DCTN5: variants seen among roughly 807,000 people sequenced by gnomAD.
DCTN5 encodes dynactin subunit 5, also known as dynactin 4.
DCTN5 carries 14 observed loss-of-function variants against 23.5 expected under a neutral mutation model. That is an observed-to-expected ratio of 0.60 (90% confidence interval 0.39 to 0.93). The LOEUF (loss-of-function observed/expected upper bound fraction) is 0.93, where lower values mean the gene tolerates loss of function less well. Ranked by LOEUF, DCTN5 falls within the 40% of genes least tolerant of loss-of-function variation. The pLI is 0.00. For synonymous variants in DCTN5, 67 were observed against 79.6 expected (o/e 0.84, Z 0.84); for missense variants, 156 against 225.9 (o/e 0.69, Z 1.98).
Position 23,641,496 on chromosome 16 carries a change from C to G in DCTN5, c.-47C>G, listed in dbSNP as rs763284273. ...TAGCCGGAATCTCTGAAAGACTGAC[C>G]GACTGACTCTGACAGGATCCGGGGC... is the stretch of plus-strand genomic sequence containing the variant. On this transcript the variant is annotated 5_prime_UTR_variant, in exon 1 of 6. Transcript: ENST00000300087. The G allele has an allele frequency of 1.2e-6, 2 of 1,611,940 alleles. No individual in the cohort carries two copies. The highest frequency in any genetic ancestry group is 1.7e-6 in the Non-Finnish European group (2 of 1,178,454).
chr16:23,645,135 A>ATG (rs1967424901), intron 2 of DCTN5, among the ~76,000 whole-genome samples: 4 of 24,806 alleles, frequency 1.6e-4, no homozygotes, highest in Non-Finnish European at 2.7e-4. Flanking sequence ...ATATATATAT[A>ATG]TATTTTTTTT....
At position 23,671,371 on chromosome 16, in the gene DCTN5, C is replaced by G. The variant is rs1184881994; in HGVS notation, c.*4227C>G. 2.6e-5 allele frequency: 4 copies of G among 152,124 alleles called. No individual in the cohort carries two copies. The highest frequency in any genetic ancestry group is 5.9e-5 in the Non-Finnish European group (4 of 68,024). 9.4% of individuals were successfully genotyped at this position (152,124 alleles called of 1,614,324 possible). A position where few individuals can be genotyped will look rare whatever the true frequency, so the allele number is the denominator to read the frequency against. ...CCCTTAGAGTATAAGGCATAGCATTCTTACATATTTTTAAAATTTAAAATA... is the reference window on the plus strand; with the variant it reads ...CCCTTAGAGTATAAGGCATAGCATTGTTACATATTTTTAAAATTTAAAATA... On this transcript the variant is annotated 3_prime_UTR_variant, in exon 6 of 6. Coordinates refer to ENST00000300087, the MANE Select transcript of DCTN5 (RefSeq NM_032486.4).
At chr16:23,641,741 C>T (rs1301224857) in intron 1 of DCTN5, 151 bp downstream of exon 1, 4 of 829,352 alleles carry the variant, frequency 4.8e-6, no homozygotes, top group Non-Finnish European at 7.8e-6. Flanking sequence ...TACCGTCTGG[C>T]TTTGCTGTTT....
At chr16:23,650,290 C>A (rs1967572113) in intron 2 of DCTN5, among the ~76,000 whole-genome samples, 1 of 151,982 alleles carries the variant, frequency 6.6e-6, no homozygotes, top group African/African-American at 2.4e-5. Context: ...AGGTACTCAG[C>A]TTTTATTTCT....
Position 23,675,767 on chromosome 16 carries a change from A to ACTC in DCTN5, c.*8625_*8626insCCT, listed in dbSNP as rs1387054727. ...TGTGCTGTGAGTGCTTTGAGTTCAG[A>ACTC]CTGACAACAGAGTGGGTCTAGCTTC... On this transcript the variant is annotated 3_prime_UTR_variant, in exon 6 of 6. Transcript: ENST00000300087. The ACTC allele has an allele frequency of 6.6e-6, 1 of 152,196 alleles. No homozygotes were observed. The highest frequency in any genetic ancestry group is 1.9e-4 in the East Asian group (1 of 5,196). 9.4% of individuals were successfully genotyped at this position (152,196 alleles called of 1,614,324 possible).
chr16:23,676,726 T>G lies in DCTN5; in HGVS notation c.*9582T>G, dbSNP rs1959229408. The G allele has an allele frequency of 6.6e-6, 1 of 152,186 alleles. No homozygotes were observed. The highest frequency in any genetic ancestry group is 2.4e-5 in the African/African-American group (1 of 41,434). 9.4% of individuals were successfully genotyped at this position (152,186 alleles called of 1,614,324 possible). ...CTTTTGCATGTGGTCCTACTAATAA[T>G]AATTTTGCTGTAAAGAAGCCTCAAT... On this transcript the variant is annotated 3_prime_UTR_variant, in exon 6 of 6. Coordinates refer to ENST00000300087, the MANE Select transcript of DCTN5 (RefSeq NM_032486.4).
intron 2 of DCTN5, among the ~76,000 whole-genome samples, chr16:23,645,168 CTT>C (rs997087857): frequency 1.1e-5 from 1 of 93,824 alleles, no homozygotes; most frequent in African/African-American, 4.0e-5. Flanking sequence ...CAGTTTTGCT[CTT>C]GTTGCCCAGG....
rs1968070824 is a variant in DCTN5 at position 23,675,401 on chromosome 16, G to A, written c.*8257G>A. 6.6e-6 allele frequency: 1 copy of A among 151,962 alleles called. No homozygotes were observed. The highest frequency in any genetic ancestry group is 2.1e-4 in the South Asian group (1 of 4,816). 9.4% of individuals were successfully genotyped at this position (151,962 alleles called of 1,614,324 possible). On this transcript the variant is annotated 3_prime_UTR_variant, in exon 6 of 6. Coordinates refer to ENST00000300087, the MANE Select transcript of DCTN5 (RefSeq NM_032486.4). The stretch of plus-strand genomic sequence containing the variant: ...TTTGGTTCCAGCTACTTAGGAGGCT[G>A]AGGTAGGAGGATGGCTTGAGCCCAG...
chr16:23,651,413 A>G (rs1967602690), intron 2 of DCTN5, among the ~76,000 whole-genome samples: 1 of 152,274 alleles, frequency 6.6e-6, no homozygotes, highest in South Asian at 2.1e-4. Context: ...CACCTGTGAT[A>G]CAATTTACTT....
Position 23,667,232 on chromosome 16 carries a change from G to C in DCTN5, c.*88G>C. ...CAGTCAGCACCTACAAAGAGCTTTT[G>C]TGTCTTTGACATCTACCACCCTCCT... On this transcript the variant is annotated 3_prime_UTR_variant, in exon 6 of 6. Transcript: ENST00000300087. 7 of 1,547,074 alleles carry C rather than the reference G, an allele frequency of 4.5e-6. No homozygotes were observed. Among genetic ancestry groups the C allele is most frequent in the Non-Finnish European group, 6.2e-6 (7 of 1,132,290 alleles).
At chr16:23,659,276 G>A (rs34514) in intron 3 of DCTN5, among the ~76,000 whole-genome samples, 31,499 of 152,066 alleles carry the variant, frequency 0.21, 3,452 homozygotes, top group East Asian at 0.43. Context: ...CCTTCAGTGG[G>A]AATAAAGACT....
At chr16:23,663,292 G>A (rs567926201) in intron 4 of DCTN5, among the ~76,000 whole-genome samples, 2 of 152,264 alleles carry the variant, frequency 1.3e-5, no homozygotes, top group Non-Finnish European at 2.9e-5. Context: ...TTTCCATCCT[G>A]TTTCATAGAT....
chr16:23,665,931 A>G (rs534767419), intron 5 of DCTN5: 67 of 568,318 alleles, frequency 1.2e-4, no homozygotes, highest in Non-Finnish European at 1.8e-4. Flanking sequence ...TCACCAGAAA[A>G]TAAGGAAATT....
intron 4 of DCTN5, among the ~76,000 whole-genome samples, chr16:23,661,826 TCTTTC>T (rs879488134): frequency 1.3e-5 from 2 of 152,108 alleles, no homozygotes; most frequent in Non-Finnish European, 2.9e-5. Context: ...GATGTTAAAC[TCTTTC>T]CTTTGATGAT....
intron 2 of DCTN5, among the ~76,000 whole-genome samples, chr16:23,655,655 C>T (rs1967689891): frequency 3.3e-5 from 5 of 152,012 alleles, no homozygotes; most frequent in Admixed American, 3.3e-4. Context: ...GACAATCCCC[C>T]CACCGCAGAC....
rs2140984695 is a variant in DCTN5, at chr16:23,660,922, G to T, written c.237-248G>T. On this transcript the variant is annotated intron_variant, in intron 3 of 5. Coordinates refer to ENST00000300087, the MANE Select transcript of DCTN5 (RefSeq NM_032486.4). ...ATTTGGTACCTGCTCTTTTAGCTTT[G>T]AAGATCTTGCCCCTCCTGCCTTGGT... Among the ~76,000 whole-genome samples the T allele has an allele frequency of 2.0e-5, 3 of 152,232 alleles. No individual in the cohort carries two copies. In the East Asian group the frequency reaches 5.8e-4, roughly 29 times the overall value.
intron 2 of DCTN5, among the ~76,000 whole-genome samples, chr16:23,651,757 GC>G (rs1269076364): frequency 6.6e-6 from 1 of 152,212 alleles, no homozygotes; most frequent in Non-Finnish European, 1.5e-5. Context: ...GGGCACGGTG[GC>G]TCATGCCTAT....
intron 2 of DCTN5, among the ~76,000 whole-genome samples, chr16:23,655,626 C>A (rs1417428185): frequency 1.3e-5 from 2 of 151,898 alleles, no homozygotes; most frequent in Non-Finnish European, 2.9e-5. Context: ...TTACCGCAGC[C>A]TCGACCTCCA....
intron 4 of DCTN5, among the ~76,000 whole-genome samples, chr16:23,663,185 G>A (rs1212354953): frequency 6.6e-6 from 1 of 152,200 alleles, no homozygotes; most frequent in East Asian, 1.9e-4. Context: ...GATGCCTGAA[G>A]GAAAAGCTTA....
Sources: gnomAD v4.1 joint callset for allele counts (sites outside exome capture counted in the v4.1 genomes callset) on GRCh38, gnomAD v4.1.1 for gene constraint, MANE v1.5 for transcripts, NCBI Gene and HGNC (gene_info 2026-07-23, HGNC 2026-07-21) for gene names.